The following CCDC141 variants were observed in gnomAD, a reference collection of about 807,000 sequenced individuals.
CCDC141 encodes the protein coiled-coil domain-containing protein 141.
A neutral mutation model predicts 181.0 loss-of-function variants in CCDC141; 168 were observed. That is an observed-to-expected ratio of 0.93 (90% confidence interval 0.82 to 1.05). The LOEUF is 1.05. Ranked by LOEUF, CCDC141 falls within the 50% of genes least tolerant of loss-of-function variation. The pLI, the probability that CCDC141 is intolerant of heterozygous loss-of-function variation, is 0.00. For missense variants in CCDC141, 1,902 were observed against 1,788.5 expected, an observed-to-expected ratio of 1.06 and a Z score of -1.14; for synonymous variants, 666 against 642.3, an observed-to-expected ratio of 1.04 and a Z score of -0.56.
chr2:178,978,518 C>G lies in CCDC141; in HGVS notation c.383G>C (p.Arg128Thr). 6.6e-7 allele frequency: 1 copy of G among 1,524,480 alleles called. No individual in the cohort carries two copies. Among genetic ancestry groups the G allele is most frequent in the South Asian group, 1.2e-5 (1 of 80,032 alleles). The allele number at this position is 1,524,480 out of a possible 1,614,324, so 94.4% of individuals were successfully genotyped here. A position where few individuals can be genotyped will look rare whatever the true frequency, so the allele number is the denominator to read the frequency against. Reference sequence around the variant, plus strand: ...ATTTTCAAAAAATTCAGAAGTCAACCTAAGGAGCTCTGTTCTTCTTTCAAG... The same window carrying G: ...ATTTTCAAAAAATTCAGAAGTCAACGTAAGGAGCTCTGTTCTTCTTTCAAG... Reference protein sequence around the residue: ...SMLERRTELLRLTSEFFENAL... With the variant: ...SMLERRTELLTLTSEFFENAL... Residue 128 changes from arginine to threonine, a missense_variant, in exon 3 of 24, where the codon AGG becomes ACG. Coordinates refer to ENST00000443758, the MANE Select transcript of CCDC141 (RefSeq NM_173648.4).
Position 178,856,342 on chromosome 2 carries a change from T to C in CCDC141, c.2780A>G (p.Tyr927Cys), listed in dbSNP as rs775840947. The C allele has an allele frequency of 8.1e-6, 13 of 1,607,016 alleles. No homozygotes were observed. Among genetic ancestry groups the C allele is most frequent in the Non-Finnish European group, 1.0e-5 (12 of 1,175,088 alleles). ...KKKFNNLKFN[Y>C]TKKNEKSRNL... ...CCGAGATTTTTCATTTTTCTTAGTG[T>C]AATTAAACTTCAAATTATTGAATTT... Residue 927 changes from tyrosine (Y) to cysteine (C), a missense_variant, in exon 18 of 24, where the codon TAC (tyrosine) becomes TGC (cysteine). Tyr to Cys is a radical substitution (Grantham distance 194, BLOSUM62 -2). Coordinates refer to ENST00000443758, the MANE Select transcript of CCDC141 (RefSeq NM_173648.4).
intron 2 of CCDC141, among the ~76,000 whole-genome samples, chr2:179,007,033 C>T (rs550852328): frequency 6.6e-6 from 1 of 152,138 alleles, no homozygotes; most frequent in Admixed American, 6.5e-5. Context: ...GAGTTGCCAT[C>T]CCCCTTGTCA....
intron 2 of CCDC141, chr2:179,002,718 GAA>G: frequency 6.2e-6 from 1 of 162,144 alleles, no homozygotes; most frequent in South Asian, 1.7e-4. Context: ...AGATTTTCAA[GAA>G]AAGCAGCCTG....
intron 15 of CCDC141, among the ~76,000 whole-genome samples, chr2:178,868,567 C>T (rs1685957239): frequency 7.1e-6 from 1 of 140,244 alleles, no homozygotes; most frequent in African/African-American, 2.6e-5. Context: ...GTAAAAATGC[C>T]ACCAACAAAT....
At chr2:178,962,103 A>T (rs1170530988) in intron 4 of CCDC141, among the ~76,000 whole-genome samples, 4 of 151,638 alleles carry the variant, frequency 2.6e-5, no homozygotes, top group Non-Finnish European at 4.4e-5. Context: ...ATTTTTAATT[A>T]AAAAAATCAC....
intron 21 of CCDC141, among the ~76,000 whole-genome samples, chr2:178,848,229 A>G (rs908207769): frequency 8.5e-5 from 13 of 152,196 alleles, no homozygotes; most frequent in African/African-American, 2.4e-4. Flanking sequence ...GAAGTGAGAA[A>G]TCCCAGGGAG....
chr2:179,045,238 C>G (rs2043454694), intron 2 of CCDC141, among the ~76,000 whole-genome samples: 2 of 146,802 alleles, frequency 1.4e-5, no homozygotes, highest in Non-Finnish European at 3.0e-5. Context: ...GTTCAATTCC[C>G]ACCTATGAGT....
intron 6 of CCDC141, among the ~76,000 whole-genome samples, chr2:178,942,741 G>C (rs1016007488): frequency 2.0e-5 from 3 of 152,140 alleles, no homozygotes; most frequent in Non-Finnish European, 4.4e-5. Flanking sequence ...TTATGGGGGA[G>C]GCTACGAATG....
rs201371695 is a variant in CCDC141, at chr2:179,049,824, G to A, written c.102+16C>T. On this transcript the variant is annotated intron_variant, in intron 1 of 23. Transcript: ENST00000443758. ...AAGCCCACAGCCGCACAGAAAAAAG[G>A]AAGTTGTTAGCTTACCTTTATGACA... The A allele has an allele frequency of 8.1e-4, 1,258 of 1,550,550 alleles. 8 individuals are homozygous for A. The highest frequency in any genetic ancestry group is 4.7e-3 in the Middle Eastern group (28 of 5,988).
intron 4 of CCDC141, among the ~76,000 whole-genome samples, chr2:178,967,706 C>T (rs1194251689): frequency 1.3e-5 from 2 of 152,132 alleles, no homozygotes; most frequent in East Asian, 3.8e-4. Flanking sequence ...AACCAGCTAG[C>T]ATCATAATGA....
intron 2 of CCDC141, among the ~76,000 whole-genome samples, chr2:178,990,654 C>T (rs1477589079): frequency 1.3e-5 from 2 of 151,424 alleles, no homozygotes; most frequent in Non-Finnish European, 2.9e-5. Flanking sequence ...CCAATACATG[C>T]TACAACATTG....
the CCDC141 span, among the ~76,000 whole-genome samples, chr2:178,822,058 C>T: frequency 6.6e-6 from 1 of 152,064 alleles, no homozygotes; most frequent in Non-Finnish European, 1.5e-5. Context: ...ACATATACAA[C>T]ATGGAATACT....
chr2:178,876,723 G>A (rs768675447), intron 12 of CCDC141: 2 of 152,128 alleles, frequency 1.3e-5, no homozygotes, highest in Non-Finnish European at 2.9e-5. Flanking sequence ...AAGCTTACTT[G>A]TCATATCTAC....
chr2:178,894,741 C>T (rs946994392), intron 8 of CCDC141, among the ~76,000 whole-genome samples: 1 of 151,598 alleles, frequency 6.6e-6, no homozygotes, highest in African/African-American at 2.4e-5. Flanking sequence ...TGAAAAAATA[C>T]CAAAGACAGG....
At chr2:178,955,039 C>T (rs1690103034) in intron 5 of CCDC141, among the ~76,000 whole-genome samples, 1 of 152,156 alleles carries the variant, frequency 6.6e-6, no homozygotes, top group African/African-American at 2.4e-5. Context: ...AATCCCAGCA[C>T]TTTGGGAGGC....
At chr2:178,983,791 G>T (rs1482395821) in intron 2 of CCDC141, among the ~76,000 whole-genome samples, 2 of 151,590 alleles carry the variant, frequency 1.3e-5, no homozygotes, top group African/African-American at 4.8e-5. Flanking sequence ...AATGAGCAAA[G>T]CCTCCAAGAA....
Position 178,961,461 on chromosome 2 carries a change from G to A in CCDC141, c.549C>T (p.Ala183=), listed in dbSNP as rs1690396310. The A allele has an allele frequency of 5.8e-6, 9 of 1,549,716 alleles. No homozygotes were observed. Among genetic ancestry groups the A allele is most frequent in the Non-Finnish European group, 6.1e-6 (7 of 1,146,558 alleles). Residue 183 remains alanine (A), a synonymous_variant, in exon 5 of 24, where the codon GCC becomes GCT. Coordinates refer to ENST00000443758, the MANE Select transcript of CCDC141 (RefSeq NM_173648.4). ...HTKELLERSL[A]LLNKSQQLTD... ...TGAGTTGTTGACTTTTGTTTAAAAG[G>A]GCTAAAGACCGTTCCAAGAGTTCTA...
chr2:178,902,451 G>T (rs549760150), intron 8 of CCDC141, among the ~76,000 whole-genome samples: 4 of 151,934 alleles, frequency 2.6e-5, no homozygotes, highest in South Asian at 2.1e-4. Flanking sequence ...AAATAACACC[G>T]CATATCTACA....
intron 22 of CCDC141, among the ~76,000 whole-genome samples, chr2:178,843,664 C>T (rs1032266597): frequency 3.3e-5 from 5 of 152,186 alleles, no homozygotes; most frequent in African/African-American, 1.2e-4. Flanking sequence ...CTTTCCAACT[C>T]AAATAATTTC....
Sources: allele counts gnomAD v4.1 joint callset (sites outside exome capture counted in the v4.1 genomes callset), GRCh38; gene constraint gnomAD v4.1.1; transcripts MANE v1.5; gene names NCBI Gene and HGNC (gene_info 2026-07-23, HGNC 2026-07-21).